Variants in ASIC2 observed in about 807,000 individuals in gnomAD.
ASIC2 encodes the protein acid-sensing ion channel 2.
ASIC2 carries 25 observed loss-of-function variants against 57.3 expected under a neutral mutation model. The ratio of observed to expected loss-of-function variants is 0.44; its 90% CI spans 0.32 to 0.61. The LOEUF is 0.61. ASIC2 is among the 20% of genes least tolerant of loss of function. ASIC2 has a pLI of 0.06. For synonymous variants in ASIC2, 319 were observed against 307.5 expected, an observed-to-expected ratio of 1.04 and a Z score of -0.39; for missense variants, 641 against 738.1, an observed-to-expected ratio of 0.87 and a Z score of 1.52.
chr17:33,893,481 G>A (rs1375201112), intron 1 of ASIC2, among the ~76,000 whole-genome samples: 1 of 152,164 alleles, frequency 6.6e-6, no homozygotes, highest in Non-Finnish European at 1.5e-5. Context: ...AATATCTTAT[G>A]CAAATTCCAA....
intron 1 of ASIC2, among the ~76,000 whole-genome samples, chr17:33,498,617 G>A (rs113869637): frequency 9.2e-5 from 14 of 152,128 alleles, no homozygotes; most frequent in African/African-American, 3.4e-4. Flanking sequence ...CTCGGGTGAA[G>A]ACTCAAGGAG....
At chr17:34,079,010 G>A (rs1567812182) in intron 1 of ASIC2, 2 of 152,240 alleles carry the variant, frequency 1.3e-5, no homozygotes, top group Admixed American at 6.5e-5. Context: ...TTATGACAGT[G>A]GATTGGATCC....
At chr17:33,755,788 G>A (rs1910586230) in intron 1 of ASIC2, among the ~76,000 whole-genome samples, 1 of 152,184 alleles carries the variant, frequency 6.6e-6, no homozygotes, top group African/African-American at 2.4e-5. Flanking sequence ...GGGGACCAAA[G>A]GAAGAGGTGA....
chr17:33,971,333 T>C (rs547025706), intron 1 of ASIC2, among the ~76,000 whole-genome samples: 1 of 152,114 alleles, frequency 6.6e-6, no homozygotes, highest in Non-Finnish European at 1.5e-5. Flanking sequence ...GCCTGGCCCC[T>C]GCTGCAACCT....
At chr17:33,687,305 G>A (rs1490124207) in intron 1 of ASIC2, among the ~76,000 whole-genome samples, 2 of 152,132 alleles carry the variant, frequency 1.3e-5, no homozygotes, top group East Asian at 3.9e-4. Context: ...GAATCTGGAG[G>A]GAGAGGATCA....
At chr17:33,808,826 T>C (rs1440821842) in intron 1 of ASIC2, among the ~76,000 whole-genome samples, 2 of 152,238 alleles carry the variant, frequency 1.3e-5, no homozygotes, top group Non-Finnish European at 2.9e-5. Context: ...AAATAGTCAG[T>C]ATTAGGGCCA....
At chr17:33,612,282 A>G (rs185347961) in intron 1 of ASIC2, among the ~76,000 whole-genome samples, 11 of 152,214 alleles carry the variant, frequency 7.2e-5, no homozygotes, top group African/African-American at 2.7e-4. Context: ...AATGAAGTTG[A>G]CACAAAAAAT....
chr17:33,930,414 C>T (rs568480136), intron 1 of ASIC2, among the ~76,000 whole-genome samples: 1 of 152,274 alleles, frequency 6.6e-6, no homozygotes, highest in African/African-American at 2.4e-5. Context: ...CTTTCACAAC[C>T]CTGGTTCAGT....
At chr17:33,578,959 G>A (rs72825293) in intron 1 of ASIC2, among the ~76,000 whole-genome samples, 1,891 of 152,196 alleles carry the variant, frequency 0.012, 20 homozygotes, top group Non-Finnish European at 0.02. Flanking sequence ...ATCCTCACCT[G>A]GTCCTAGGGA....
chr17:33,268,973 T>A (rs1367825030), intron 1 of ASIC2, among the ~76,000 whole-genome samples: 1 of 152,126 alleles, frequency 6.6e-6, no homozygotes, highest in African/African-American at 2.4e-5. Flanking sequence ...GGACTTCATT[T>A]CCATCTTTAC....
chr17:33,526,716 C>T (rs1914895172), intron 1 of ASIC2, among the ~76,000 whole-genome samples: 1 of 151,060 alleles, frequency 6.6e-6, no homozygotes, highest in African/African-American at 2.5e-5. Context: ...GCTTGCCTAG[C>T]ATCTGAGAGA....
chr17:33,350,617 G>A (rs113052134), intron 1 of ASIC2, among the ~76,000 whole-genome samples: 1 of 151,802 alleles, frequency 6.6e-6, no homozygotes, highest in Non-Finnish European at 1.5e-5. Flanking sequence ...GGGAAGCAGA[G>A]GTTGCAGTGA....
intron 1 of ASIC2, among the ~76,000 whole-genome samples, chr17:33,779,523 A>G (rs1911384604): frequency 6.6e-6 from 1 of 152,246 alleles, no homozygotes; most frequent in African/African-American, 2.4e-5. Context: ...CGTGTTCAGA[A>G]TGAATAACCT....
chr17:33,670,432 G>T (rs1907606525), intron 1 of ASIC2, among the ~76,000 whole-genome samples: 1 of 152,176 alleles, frequency 6.6e-6, no homozygotes. Context: ...CATTTTAAAT[G>T]AAGAGAAAAA....
chr17:33,894,927 C>T (rs963098548), intron 1 of ASIC2, among the ~76,000 whole-genome samples: 9 of 152,046 alleles, frequency 5.9e-5, no homozygotes, highest in African/African-American at 2.2e-4. Context: ...AGGATGCACC[C>T]CATGCATCCT....
At chr17:33,895,681 A>G (rs1312601945) in intron 1 of ASIC2, among the ~76,000 whole-genome samples, 1 of 152,174 alleles carries the variant, frequency 6.6e-6, no homozygotes, top group African/African-American at 2.4e-5. Flanking sequence ...CGTGGTTGAT[A>G]CCTGGATGTC....
chr17:33,337,256 A>G (rs572895765), intron 1 of ASIC2, among the ~76,000 whole-genome samples: 23 of 152,284 alleles, frequency 1.5e-4, no homozygotes, highest in Middle Eastern at 6.8e-3. Context: ...CAGCTCCACC[A>G]ATTAATAGAT....
intron 1 of ASIC2, among the ~76,000 whole-genome samples, chr17:33,880,781 A>G (rs1263020999): frequency 2.0e-5 from 3 of 152,220 alleles, no homozygotes; most frequent in Non-Finnish European, 2.9e-5. Context: ...TCATCCTGAT[A>G]CCAAAGCCTG....
intron 1 of ASIC2, among the ~76,000 whole-genome samples, chr17:34,150,437 C>T (rs1183208251): frequency 6.6e-6 from 1 of 152,084 alleles, no homozygotes; most frequent in Non-Finnish European, 1.5e-5. Flanking sequence ...TGAGGTAATA[C>T]ATATGTTAAA....
Sources: gnomAD v4.1 joint callset for allele counts (sites outside exome capture counted in the v4.1 genomes callset) on GRCh38, gnomAD v4.1.1 for gene constraint, MANE v1.5 for transcripts, NCBI Gene and HGNC (gene_info 2026-07-23, HGNC 2026-07-21) for gene names.